Variants in RAB3B observed in about 807,000 individuals in gnomAD.
The protein encoded by RAB3B is RAB3B, member RAS oncogene family.
A neutral mutation model predicts 20.5 loss-of-function variants in RAB3B; 11 were observed. The ratio of observed to expected loss-of-function variants is 0.54; its 90% CI spans 0.34 to 0.89. The LOEUF is 0.89. Ranked by LOEUF, RAB3B falls within the 40% of genes least tolerant of loss-of-function variation. The pLI, the probability that RAB3B is intolerant of heterozygous loss-of-function variation, is 0.02. For missense variants in RAB3B, 225 were observed against 280.9 expected (o/e 0.80, Z 1.42); for synonymous variants, 99 against 106.3 (o/e 0.93, Z 0.42).
intron 3 of RAB3B, among the ~76,000 whole-genome samples, chr1:51,935,916 G>A (rs1684392114): frequency 6.6e-6 from 1 of 152,128 alleles, no homozygotes; most frequent in Non-Finnish European, 1.5e-5. Context: ...GGAGAACACA[G>A]ACCCCCAGGA....
intron 2 of RAB3B, among the ~76,000 whole-genome samples, chr1:51,970,602 C>T (rs1394592115): frequency 1.3e-5 from 2 of 152,030 alleles, no homozygotes; most frequent in African/African-American, 4.8e-5. Context: ...GTCTGGAATC[C>T]CCTAAGAGAG....
chr1:51,971,804 G>A (rs548401684), intron 2 of RAB3B, among the ~76,000 whole-genome samples: 8 of 152,318 alleles, frequency 5.3e-5, no homozygotes, highest in East Asian at 3.9e-4. Context: ...AATACAGCAC[G>A]GATATGCTGG....
intron 2 of RAB3B, among the ~76,000 whole-genome samples, chr1:51,960,890 C>G (rs189779198): frequency 2.6e-5 from 4 of 152,316 alleles, no homozygotes; most frequent in Admixed American, 2.6e-4. Flanking sequence ...CTCCCCTTCA[C>G]TGTATGACTT....
chr1:51,961,488 A>T (rs1039064593), intron 2 of RAB3B, among the ~76,000 whole-genome samples: 1 of 152,146 alleles, frequency 6.6e-6, no homozygotes, highest in African/African-American at 2.4e-5. Context: ...GGTGGCAAAC[A>T]TCCCTAATTT....
chr1:51,962,608 T>C (rs528762298), intron 2 of RAB3B, among the ~76,000 whole-genome samples: 46 of 152,354 alleles, frequency 3.0e-4, no homozygotes, highest in African/African-American at 1.0e-3. Context: ...CCCTGATCAC[T>C]GGACTCCAAT....
chr1:51,928,020 C>G (rs775662495), intron 4 of RAB3B, among the ~76,000 whole-genome samples: 3 of 152,142 alleles, frequency 2.0e-5, no homozygotes, highest in Non-Finnish European at 4.4e-5. Flanking sequence ...TCTACTGTTC[C>G]AAACACCCAC....
At chr1:51,964,129 G>C (rs1002222325) in intron 2 of RAB3B, among the ~76,000 whole-genome samples, 1 of 152,010 alleles carries the variant, frequency 6.6e-6, no homozygotes, top group African/African-American at 2.4e-5. Flanking sequence ...TTTCTCTTCT[G>C]CCATTTTTAC....
intron 3 of RAB3B, among the ~76,000 whole-genome samples, chr1:51,934,500 G>A (rs186435801): frequency 1.5e-4 from 23 of 152,208 alleles, no homozygotes; most frequent in Admixed American, 1.1e-3. Context: ...GGCCGGGTGC[G>A]CTGGCCCACG....
chr1:51,950,728 C>T (rs1245408671), intron 2 of RAB3B, among the ~76,000 whole-genome samples: 1 of 152,202 alleles, frequency 6.6e-6, no homozygotes, highest in Non-Finnish European at 1.5e-5. Context: ...CTCTCTCTTC[C>T]CGTCTTCAAT....
At chr1:51,932,742 C>CAT in intron 4 of RAB3B, among the ~76,000 whole-genome samples, 1 of 152,282 alleles carries the variant, frequency 6.6e-6, no homozygotes, top group Non-Finnish European at 1.5e-5. Flanking sequence ...GTCTGCTCTA[C>CAT]AGTTGATGAT....
In RAB3B at chr1:51,976,503, T is replaced by G. The variant is rs76201194; in HGVS notation, c.228+387A>C. ...CCAAGGACCTAAGGACCCAACAGCC[T>G]TATGATGTAGATGCTATTACAATCC... is the stretch of plus-strand genomic sequence containing the variant. On this transcript the variant is annotated intron_variant, in intron 2 of 4. Transcript: ENST00000371655. 2.2e-3 allele frequency among the ~76,000 whole-genome samples: 335 copies of G among 152,268 alleles called. 11 individuals carry two copies. The East Asian group carries it at 0.059, about 27-fold the overall frequency.
chr1:51,985,885 C>G (rs1295554955), intron 1 of RAB3B, among the ~76,000 whole-genome samples: 1 of 150,520 alleles, frequency 6.6e-6, no homozygotes, highest in Non-Finnish European at 1.5e-5. Flanking sequence ...TCTGCAAAGA[C>G]AAGTGATTTG....
chr1:51,948,469 C>T (rs1684592218), intron 2 of RAB3B, among the ~76,000 whole-genome samples: 1 of 152,230 alleles, frequency 6.6e-6, no homozygotes, highest in Non-Finnish European at 1.5e-5. Flanking sequence ...CAAATCTTCA[C>T]TTGGTACTGA....
At chr1:51,926,955 A>G (rs1212660186) in intron 4 of RAB3B, among the ~76,000 whole-genome samples, 3 of 152,250 alleles carry the variant, frequency 2.0e-5, no homozygotes, top group Non-Finnish European at 2.9e-5. Flanking sequence ...CTATACAGCA[A>G]TACAGATACT....
rs201365422 is a variant in RAB3B at position 51,937,465 on chromosome 1, A to AAGCAGTTAAAAGTT, written c.229-54_229-53insAACTTTTAACTGCT. ...TCTTAGAAAGTCTGCTTTGGTTCCT[A>AAGCAGTTAAAAGTT]AAAAGTCCCCAGGACAATTAACTAA... On this transcript the variant is annotated intron_variant, in intron 2 of 4. Transcript: ENST00000371655. The AAGCAGTTAAAAGTT allele has an allele frequency of 2.9e-3, 3,799 of 1,303,846 alleles. 103 individuals are homozygous for AAGCAGTTAAAAGTT. The African/African-American group carries it at 0.052, about 18-fold the overall frequency. 80.8% of individuals were successfully genotyped at this position (1,303,846 alleles called of 1,614,324 possible).
chr1:51,939,610 T>C (rs191134580), intron 2 of RAB3B, among the ~76,000 whole-genome samples: 31 of 152,060 alleles, frequency 2.0e-4, no homozygotes, highest in Non-Finnish European at 3.7e-4. Flanking sequence ...AGACAGGATG[T>C]CACGCTGTCA....
chr1:51,985,341 C>T (rs1447883760), intron 1 of RAB3B, among the ~76,000 whole-genome samples: 3 of 152,174 alleles, frequency 2.0e-5, no homozygotes, highest in Non-Finnish European at 4.4e-5. Context: ...ATCTGGTCAA[C>T]GCTAGACCTA....
chr1:51,910,923 C>G lies in RAB3B; in HGVS notation c.*9004G>C, dbSNP rs955606071. ...GCCTTTCTGTGACATGATTTTCTACCAAGCAAAGTCTTTTATTCAAGTCTC... is the reference window on the plus strand; with the variant it reads ...GCCTTTCTGTGACATGATTTTCTACGAAGCAAAGTCTTTTATTCAAGTCTC... On this transcript the variant is annotated 3_prime_UTR_variant, in exon 5 of 5. Coordinates refer to ENST00000371655, the MANE Select transcript of RAB3B (RefSeq NM_002867.4). 6.6e-6 allele frequency: 1 copy of G among 152,166 alleles called. No individual in the cohort carries two copies. Among genetic ancestry groups the G allele is most frequent in the African/African-American group, 2.4e-5 (1 of 41,444 alleles). 9.4% of individuals were successfully genotyped at this position (152,166 alleles called of 1,614,324 possible). A position where few individuals can be genotyped will look rare whatever the true frequency, so the allele number is the denominator to read the frequency against.
chr1:51,960,749 A>G (rs1012846235), intron 2 of RAB3B, among the ~76,000 whole-genome samples: 2 of 152,102 alleles, frequency 1.3e-5, no homozygotes, highest in Non-Finnish European at 2.9e-5. Context: ...AAGGGCCACA[A>G]CTCACAACTA....
Sources: gnomAD v4.1 joint callset for allele counts (sites outside exome capture counted in the v4.1 genomes callset) on GRCh38, gnomAD v4.1.1 for gene constraint, MANE v1.5 for transcripts, NCBI Gene and HGNC (gene_info 2026-07-23, HGNC 2026-07-21) for gene names.